Variants in CCSER1 observed in about 807,000 individuals in gnomAD.
CCSER1 encodes serine-rich coiled-coil domain-containing protein 1.
CCSER1 carries 41 observed loss-of-function variants against 82.0 expected under a neutral mutation model. The observed-to-expected ratio is 0.50, with a 90% confidence interval of 0.39 to 0.65. The LOEUF (loss-of-function observed/expected upper bound fraction) is 0.65, where lower values mean the gene tolerates loss of function less well. Ranked by LOEUF, CCSER1 falls within the 30% of genes least tolerant of loss-of-function variation. CCSER1 has a pLI of 0.00. For missense variants in CCSER1, 1,119 were observed against 1,064.2 expected (o/e 1.05, Z -0.72); for synonymous variants, 414 against 383.9 (o/e 1.08, Z -0.92).
chr4:91,387,884 A>G (rs576337459), intron 10 of CCSER1, among the ~76,000 whole-genome samples: 32 of 152,160 alleles, frequency 2.1e-4, no homozygotes, highest in Non-Finnish European at 4.1e-4. Context: ...ACTTTTCTAC[A>G]TTTTGCCTAT....
At chr4:90,197,593 T>G (rs1664109272) in intron 1 of CCSER1, among the ~76,000 whole-genome samples, 2 of 152,142 alleles carry the variant, frequency 1.3e-5, no homozygotes, top group Non-Finnish European at 2.9e-5. Flanking sequence ...GGAGTACTAT[T>G]CTGCCATAAA....
chr4:90,947,678 G>A (rs1732419439), intron 9 of CCSER1, among the ~76,000 whole-genome samples: 1 of 152,086 alleles, frequency 6.6e-6, no homozygotes, highest in Non-Finnish European at 1.5e-5. Context: ...AATTCACAAT[G>A]ACAGTGTTAT....
At chr4:90,403,096 T>C (rs1178997419) in intron 4 of CCSER1, among the ~76,000 whole-genome samples, 2 of 152,336 alleles carry the variant, frequency 1.3e-5, no homozygotes, top group East Asian at 3.9e-4. Flanking sequence ...CCATGTTGTG[T>C]GGTTTTTAAA....
chr4:91,107,652 T>C (rs1725749913), intron 10 of CCSER1, among the ~76,000 whole-genome samples: 2 of 151,520 alleles, frequency 1.3e-5, no homozygotes, highest in Non-Finnish European at 2.9e-5. Flanking sequence ...TTTTTTTTTT[T>C]TTTTGATGTT....
At chr4:91,461,124 C>T (rs936422271) in intron 10 of CCSER1, among the ~76,000 whole-genome samples, 4 of 152,158 alleles carry the variant, frequency 2.6e-5, no homozygotes, top group African/African-American at 4.8e-5. Flanking sequence ...AAGACTTGCT[C>T]ATAGCCCAGG....
At chr4:91,596,530 AG>A (rs1222623878) in intron 10 of CCSER1, among the ~76,000 whole-genome samples, 2 of 152,070 alleles carry the variant, frequency 1.3e-5, no homozygotes, top group East Asian at 3.9e-4. Context: ...TAAACATATA[AG>A]TTTACAGGGA....
At chr4:90,279,363 T>A (rs1728490440) in intron 1 of CCSER1, among the ~76,000 whole-genome samples, 1 of 152,046 alleles carries the variant, frequency 6.6e-6, no homozygotes, top group Admixed American at 6.6e-5. Flanking sequence ...TATAAGCCAA[T>A]CCACTATATG....
intron 4 of CCSER1, among the ~76,000 whole-genome samples, chr4:90,441,589 A>C (rs1404988635): frequency 1.3e-5 from 2 of 152,108 alleles, no homozygotes; most frequent in Non-Finnish European, 2.9e-5. Context: ...GGGGGTTAAC[A>C]CTTCAACATA....
chr4:90,967,982 T>C (rs777789920), intron 9 of CCSER1, among the ~76,000 whole-genome samples: 36 of 152,002 alleles, frequency 2.4e-4, no homozygotes, highest in Non-Finnish European at 4.6e-4. Flanking sequence ...AGAGAGACCC[T>C]CTTAATCCAT....
chr4:91,591,103 T>A (rs760781170), intron 10 of CCSER1, among the ~76,000 whole-genome samples: 3 of 152,080 alleles, frequency 2.0e-5, no homozygotes, highest in Non-Finnish European at 2.9e-5. Context: ...GACAGAGAGG[T>A]ACCCTGGCTT....
rs1042871107 is a variant in CCSER1, at chr4:91,107,111, T to G, written c.2217+21117T>G. ...ACTGTGTTACAGTTGTCTACAGTAT[T>G]GAGTCTAATAACATGCTGTACATGT... On this transcript the variant is annotated intron_variant, in intron 10 of 10. Transcript: ENST00000509176. Among the ~76,000 whole-genome samples, 56 of 152,202 alleles carry G rather than the reference T, an allele frequency of 3.7e-4. 1 individual carries two copies. The highest frequency in any genetic ancestry group is 1.3e-3 in the African/African-American group (54 of 41,442).
At chr4:90,303,332 T>C (rs1049380010) in intron 1 of CCSER1, among the ~76,000 whole-genome samples, 6 of 152,108 alleles carry the variant, frequency 3.9e-5, no homozygotes, top group Admixed American at 2.0e-4. Flanking sequence ...AAAAAGAGCC[T>C]GCATCGCCAA....
chr4:90,348,369 T>A (rs1004295543), intron 3 of CCSER1, among the ~76,000 whole-genome samples: 1 of 152,216 alleles, frequency 6.6e-6, no homozygotes, highest in African/African-American at 2.4e-5. Flanking sequence ...TTTGAAATCA[T>A]AGATTATATA....
chr4:90,296,290 G>A (rs190533251), intron 1 of CCSER1, among the ~76,000 whole-genome samples: 6 of 151,824 alleles, frequency 4.0e-5, no homozygotes, highest in South Asian at 2.1e-4. Flanking sequence ...TGTAACAGAC[G>A]GTTTTAAAAA....
chr4:91,446,280 A>C (rs1755546861), intron 10 of CCSER1, among the ~76,000 whole-genome samples: 1 of 152,140 alleles, frequency 6.6e-6, no homozygotes, highest in Non-Finnish European at 1.5e-5. Context: ...AAAAGCAAGA[A>C]TACATTGGTT....
chr4:91,445,777 A>C (rs1755518777), intron 10 of CCSER1, among the ~76,000 whole-genome samples: 1 of 152,068 alleles, frequency 6.6e-6, no homozygotes, highest in Non-Finnish European at 1.5e-5. Context: ...TAACAAAAAA[A>C]TTGGCCCAAG....
At chr4:90,457,119 G>A (rs1379433501) in intron 4 of CCSER1, among the ~76,000 whole-genome samples, 2 of 152,192 alleles carry the variant, frequency 1.3e-5, no homozygotes, top group African/African-American at 4.8e-5. Context: ...TGCTCCAGGT[G>A]CTGGCACAGG....
At chr4:91,371,880 C>A (rs1028178137) in intron 10 of CCSER1, among the ~76,000 whole-genome samples, 2 of 151,928 alleles carry the variant, frequency 1.3e-5, no homozygotes, top group Non-Finnish European at 2.9e-5. Flanking sequence ...GCTTTCTGAT[C>A]CCAAGACTTT....
intron 8 of CCSER1, among the ~76,000 whole-genome samples, chr4:90,891,563 T>C (rs1290079991): frequency 6.6e-6 from 1 of 152,016 alleles, no homozygotes; most frequent in Non-Finnish European, 1.5e-5. Context: ...AGCTGAATGA[T>C]ATAAATTTAC....
Sources: gnomAD v4.1 joint callset for allele counts (sites outside exome capture counted in the v4.1 genomes callset) on GRCh38, gnomAD v4.1.1 for gene constraint, MANE v1.5 for transcripts, NCBI Gene and HGNC (gene_info 2026-07-23, HGNC 2026-07-21) for gene names.